HMGB1: variants seen among roughly 807,000 people sequenced by gnomAD.
HMGB1 encodes high mobility group box 1.
For synonymous variants in HMGB1, 81 were observed against 84.0 expected (o/e 0.96, Z 0.19); for missense variants, 79 against 253.5 (o/e 0.31, Z 4.67).
intron 1 of HMGB1, among the ~76,000 whole-genome samples, chr13:30,508,349 TAAAAATAC>T (rs988707498): frequency 6.6e-6 from 1 of 151,796 alleles, no homozygotes; most frequent in Non-Finnish European, 1.5e-5. Context: ...CCATCTCTAA[TAAAAATAC>T]AAAAATTAGC....
At chr13:30,486,814 G>A (rs986862216) in intron 1 of HMGB1, among the ~76,000 whole-genome samples, 2 of 152,080 alleles carry the variant, frequency 1.3e-5, no homozygotes. Flanking sequence ...TGTTGCTCTC[G>A]GTTGGGGTGA....
intron 1 of HMGB1, chr13:30,464,124 T>C (rs771729632): frequency 3.7e-5 from 36 of 962,396 alleles, no homozygotes; most frequent in Non-Finnish European, 4.1e-5. Flanking sequence ...GCGAGTCGAC[T>C]CTTCCTAATT....
At chr13:30,521,424 CT>C (rs1260775348) in intron 1 of HMGB1, among the ~76,000 whole-genome samples, 1 of 152,184 alleles carries the variant, frequency 6.6e-6, no homozygotes, top group Non-Finnish European at 1.5e-5. Flanking sequence ...CTTTTTATCT[CT>C]ATAGATTTGC....
At chr13:30,592,372 A>C (rs1482633506) in intron 1 of HMGB1, among the ~76,000 whole-genome samples, 1 of 152,194 alleles carries the variant, frequency 6.6e-6, no homozygotes, top group Non-Finnish European at 1.5e-5. Context: ...TCTTATATTG[A>C]AAATGACATG....
At chr13:30,590,825 T>C (rs866854263) in intron 1 of HMGB1, among the ~76,000 whole-genome samples, 3 of 152,134 alleles carry the variant, frequency 2.0e-5, no homozygotes, top group Non-Finnish European at 4.4e-5. Context: ...GAAGGCACCA[T>C]GTTGGAAGCA....
At chr13:30,568,929 C>G (rs1870308633) in intron 1 of HMGB1, among the ~76,000 whole-genome samples, 1 of 152,186 alleles carries the variant, frequency 6.6e-6, no homozygotes, top group Non-Finnish European at 1.5e-5. Context: ...ATAACCCCAG[C>G]ACTTTGGGAG....
chr13:30,525,766 G>C (rs1888349255), intron 1 of HMGB1, among the ~76,000 whole-genome samples: 1 of 151,108 alleles, frequency 6.6e-6, no homozygotes, highest in Non-Finnish European at 1.5e-5. Context: ...GCTACCATAA[G>C]AACAGCATGG....
intron 1 of HMGB1, among the ~76,000 whole-genome samples, chr13:30,591,409 T>TA (rs1408811426): frequency 6.6e-6 from 1 of 152,112 alleles, no homozygotes; most frequent in Non-Finnish European, 1.5e-5. Flanking sequence ...AGTTTTGATA[T>TA]AAAAAAGAAA....
intron 1 of HMGB1, 121 bp downstream of exon 1, chr13:30,465,675 C>T (rs1886742981): frequency 6.4e-6 from 2 of 310,490 alleles, no homozygotes; most frequent in African/African-American, 4.5e-5. Context: ...CCACGGTCCC[C>T]CCTCATTTGC....
At chr13:30,462,775 T>C in intron 3 of HMGB1, 63 bp from the exon 4 acceptor site, 4 of 1,341,632 alleles carry the variant, frequency 3.0e-6, no homozygotes, top group African/African-American at 1.5e-5. Context: ...TACTATCAAG[T>C]GTACACTGCA....
Position 30,456,759 on chromosome 13 carries a change from G to GC in HMGB1, c.*4597dup, listed in dbSNP as rs1422512425. 69 of 71,472 alleles carry GC rather than the reference G, an allele frequency of 9.7e-4. 4 individuals carry two copies. In the East Asian group the frequency reaches 0.024, roughly 24 times the overall value. The allele number at this position is 71,472 out of a possible 1,614,324, so 4.4% of individuals were successfully genotyped here. On this transcript the variant is annotated 3_prime_UTR_variant, in exon 5 of 5. Coordinates refer to ENST00000341423, the MANE Select transcript of HMGB1 (RefSeq NM_002128.7). ...ACAGCATAAATAACAGCTTTTGTGG[G>GC]CGGGGGGGGGGGGTGGTGGGGTGCA...
intron 1 of HMGB1, among the ~76,000 whole-genome samples, chr13:30,574,617 A>C (rs939131196): frequency 6.6e-6 from 1 of 152,258 alleles, no homozygotes; most frequent in Non-Finnish European, 1.5e-5. Flanking sequence ...TAAGGTGCTC[A>C]TTCTACTGAA....
chr13:30,565,938 A>G (rs1405951582), intron 1 of HMGB1, among the ~76,000 whole-genome samples: 1 of 152,242 alleles, frequency 6.6e-6, no homozygotes, highest in African/African-American at 2.4e-5. Context: ...TGTTGCAAAG[A>G]TGCAAGGACA....
At chr13:30,509,083 C>T (rs1887932847) in intron 1 of HMGB1, among the ~76,000 whole-genome samples, 1 of 151,934 alleles carries the variant, frequency 6.6e-6, no homozygotes, top group South Asian at 2.1e-4. Flanking sequence ...CACAGGTGCG[C>T]CACCATGCCC....
intron 1 of HMGB1, among the ~76,000 whole-genome samples, chr13:30,611,174 T>C (rs1244732136): frequency 2.6e-5 from 4 of 152,224 alleles, no homozygotes; most frequent in African/African-American, 4.8e-5. Flanking sequence ...AACAATGTGT[T>C]ATGAGTCCTT....
At chr13:30,606,461 C>T (rs1042793597) in intron 1 of HMGB1, among the ~76,000 whole-genome samples, 63 of 104,678 alleles carry the variant, frequency 6.0e-4, no homozygotes, top group Admixed American at 2.7e-3. Context: ...TGATCAATAA[C>T]CAAACCAAAC....
chr13:30,505,851 A>AG (rs1207473893), intron 1 of HMGB1, among the ~76,000 whole-genome samples: 4 of 150,336 alleles, frequency 2.7e-5, no homozygotes, highest in Admixed American at 6.6e-5. Flanking sequence ...CCATCCTCTC[A>AG]GGGGGCAGTC....
At chr13:30,463,926 A>T in intron 1 of HMGB1, 1 of 452,822 alleles carries the variant, frequency 2.2e-6, no homozygotes, top group Non-Finnish European at 3.7e-6. Context: ...CAAAAAGTCT[A>T]GACACAAAGA....
intron 1 of HMGB1, among the ~76,000 whole-genome samples, chr13:30,615,369 T>C (rs112548678): frequency 5.9e-5 from 9 of 152,318 alleles, no homozygotes; most frequent in African/African-American, 2.2e-4. Context: ...AAGAATTTCA[T>C]ACAATTTTTA....
Sources: allele counts gnomAD v4.1 joint callset (sites outside exome capture counted in the v4.1 genomes callset), GRCh38; gene constraint gnomAD v4.1.1; transcripts MANE v1.5; gene names NCBI Gene and HGNC (gene_info 2026-07-23, HGNC 2026-07-21).